The following TNFAIP8 variants were observed in gnomAD, a reference collection of about 807,000 sequenced individuals.
TNFAIP8 encodes the protein TNF alpha induced protein 8.
A neutral mutation model predicts 13.3 loss-of-function variants in TNFAIP8; 7 were observed. The ratio of observed to expected loss-of-function variants is 0.52; its 90% CI spans 0.30 to 0.99. The LOEUF (loss-of-function observed/expected upper bound fraction) is 0.99, where lower values mean the gene tolerates loss of function less well. Ranked by LOEUF, TNFAIP8 falls within the 50% of genes least tolerant of loss-of-function variation. The pLI, the probability that TNFAIP8 is intolerant of heterozygous loss-of-function variation, is 0.07. For missense variants in TNFAIP8, 258 were observed against 236.9 expected, an observed-to-expected ratio of 1.09 and a Z score of -0.58; for synonymous variants, 94 against 87.6, an observed-to-expected ratio of 1.07 and a Z score of -0.41.
chr5:119,291,915 G>C (rs1749000901), intron 1 of TNFAIP8, among the ~76,000 whole-genome samples: 1 of 152,326 alleles, frequency 6.6e-6, no homozygotes, highest in East Asian at 1.9e-4. Context: ...AAACCTTGGA[G>C]ACATCTGTAA....
At chr5:119,273,919 C>T (rs1351692079) in intron 1 of TNFAIP8, among the ~76,000 whole-genome samples, 1 of 152,202 alleles carries the variant, frequency 6.6e-6, no homozygotes, top group East Asian at 1.9e-4. Flanking sequence ...TGTCAATACC[C>T]TCTCTAAGCC....
At chr5:119,360,433 T>C (rs190104952) in intron 1 of TNFAIP8, among the ~76,000 whole-genome samples, 2 of 152,336 alleles carry the variant, frequency 1.3e-5, no homozygotes, top group East Asian at 1.9e-4. Context: ...TAGTGTAAGC[T>C]GAATTAAAAC....
chr5:119,336,036 A>C (rs1750541110), intron 1 of TNFAIP8, among the ~76,000 whole-genome samples: 2 of 152,168 alleles, frequency 1.3e-5, no homozygotes, highest in African/African-American at 4.8e-5. Context: ...GCGGCTGCAA[A>C]GGCCCTGAGG....
intron 1 of TNFAIP8, among the ~76,000 whole-genome samples, chr5:119,356,373 C>T (rs1449171863): frequency 1.3e-5 from 2 of 151,904 alleles, no homozygotes; most frequent in Admixed American, 1.3e-4. Flanking sequence ...ACTAAGTCTG[C>T]TTTTTAGCTT....
Position 119,397,835 on chromosome 5 carries a change from C to T in TNFAIP8, c.*4454C>T, listed in dbSNP as rs1753110310. 1 of 152,166 alleles carries T rather than the reference C, an allele frequency of 6.6e-6. No homozygotes were observed. The highest frequency in any genetic ancestry group is 2.4e-5 in the African/African-American group (1 of 41,432). 9.4% of individuals were successfully genotyped at this position (152,166 alleles called of 1,614,324 possible). A position where few individuals can be genotyped will look rare whatever the true frequency, so the allele number is the denominator to read the frequency against. ...ACGGTCACTTATGTATACCCAAAGC[C>T]AGAAAGATATTTTTATCTCAGGGAA... is the stretch of plus-strand genomic sequence containing the variant. On this transcript the variant is annotated 3_prime_UTR_variant, in exon 2 of 2. Transcript: ENST00000504771.
intron 1 of TNFAIP8, among the ~76,000 whole-genome samples, chr5:119,299,520 G>T (rs867377884): frequency 1.3e-5 from 2 of 152,318 alleles, no homozygotes; most frequent in Admixed American, 6.5e-5. Flanking sequence ...TGCCTCTACT[G>T]GGGGGTGCCT....
At position 119,369,060 on chromosome 5, in the gene TNFAIP8, T is replaced by C. The variant is rs996334910; in HGVS notation, c.31+12939T>C. Among the ~76,000 whole-genome samples, 748 of 150,854 alleles carry C rather than the reference T, an allele frequency of 5.0e-3. 3 individuals carry two copies. Among genetic ancestry groups the C allele is most frequent in the African/African-American group, 0.017 (683 of 41,066 alleles). Reference sequence around the variant, plus strand: ...ACTTTCTTTTCTTTTCTTTTCTTTTTTTTTTTTTTTTGAGAGGGAATCTTG... The same window carrying C: ...ACTTTCTTTTCTTTTCTTTTCTTTTCTTTTTTTTTTTGAGAGGGAATCTTG... On this transcript the variant is annotated intron_variant, in intron 1 of 1. Transcript: ENST00000504771.
At chr5:119,314,633 T>C (rs1333710253) in intron 1 of TNFAIP8, among the ~76,000 whole-genome samples, 1 of 152,236 alleles carries the variant, frequency 6.6e-6, no homozygotes, top group Non-Finnish European at 1.5e-5. Context: ...ATTTGTTTTT[T>C]TGTTTTTGAG....
chr5:119,346,885 G>A (rs1048290256), intron 1 of TNFAIP8, among the ~76,000 whole-genome samples: 2 of 152,150 alleles, frequency 1.3e-5, no homozygotes, highest in Non-Finnish European at 2.9e-5. Context: ...ACTCTTGACC[G>A]CATCACTGTA....
chr5:119,315,810 C>A (rs1225643127), intron 1 of TNFAIP8, among the ~76,000 whole-genome samples: 2 of 152,194 alleles, frequency 1.3e-5, no homozygotes, highest in African/African-American at 4.8e-5. Context: ...CCCACACACA[C>A]AGAAGTCTTG....
chr5:119,360,421 CAT>C (rs1336189949), intron 1 of TNFAIP8, among the ~76,000 whole-genome samples: 1 of 152,172 alleles, frequency 6.6e-6, no homozygotes, highest in African/African-American at 2.4e-5. Context: ...TTCTTTAAAA[CAT>C]AGTGTAAGCT....
At chr5:119,359,426 A>G (rs539576915) in intron 1 of TNFAIP8, among the ~76,000 whole-genome samples, 1 of 152,238 alleles carries the variant, frequency 6.6e-6, no homozygotes, top group East Asian at 1.9e-4. Flanking sequence ...CTTCTAGACC[A>G]CAAGCTCTGC....
At chr5:119,356,809 A>G (rs1057220162) in intron 1 of TNFAIP8, among the ~76,000 whole-genome samples, 2 of 151,936 alleles carry the variant, frequency 1.3e-5, no homozygotes, top group Non-Finnish European at 2.9e-5. Flanking sequence ...AAACACAATT[A>G]TACGCTGGTG....
At chr5:119,299,512 C>T (rs1036189079) in intron 1 of TNFAIP8, among the ~76,000 whole-genome samples, 5 of 152,176 alleles carry the variant, frequency 3.3e-5, no homozygotes, top group Admixed American at 3.3e-4. Context: ...TGTCAGTCTG[C>T]CTCTACTGGG....
intron 1 of TNFAIP8, among the ~76,000 whole-genome samples, chr5:119,327,155 T>C (rs1363606103): frequency 3.9e-5 from 6 of 152,146 alleles, no homozygotes; most frequent in African/African-American, 1.2e-4. Flanking sequence ...TTCCTGGAAA[T>C]GTCTGTTCCC....
intron 1 of TNFAIP8, among the ~76,000 whole-genome samples, chr5:119,296,701 G>A (rs925526678): frequency 9.9e-5 from 15 of 152,124 alleles, no homozygotes; most frequent in African/African-American, 3.6e-4. Context: ...AGAAGGAATG[G>A]TACCAGTTCC....
At chr5:119,276,210 C>A (rs879521151) in intron 1 of TNFAIP8, among the ~76,000 whole-genome samples, 1 of 151,834 alleles carries the variant, frequency 6.6e-6, no homozygotes, top group Non-Finnish European at 1.5e-5. Context: ...CTCTAACTCC[C>A]GGGTTCAAGC....
Position 119,393,323 on chromosome 5 carries a change from C to A in TNFAIP8, c.539C>A (p.Pro180His). The A allele has an allele frequency of 6.2e-7, 1 of 1,613,776 alleles. No homozygotes were observed. The highest frequency in any genetic ancestry group is 8.5e-7 in the Non-Finnish European group (1 of 1,179,840). ...ALYNPFGNFK[P>H]HLQKLCDGIN... ...TATAATCCTTTTGGGAATTTTAAAC[C>A]CCACTTACAAAAACTATGTGATGGT... The change falls in exon 2 of 2, where the codon CCC becomes CAC. Residue 180 changes from proline (P) to histidine (H), a missense_variant. Pro to His is a moderately conservative substitution (Grantham distance 77, BLOSUM62 -2). Transcript: ENST00000504771.
At chr5:119,326,561 C>T (rs377586966) in intron 1 of TNFAIP8, among the ~76,000 whole-genome samples, 1 of 152,168 alleles carries the variant, frequency 6.6e-6, no homozygotes, top group African/African-American at 2.4e-5. Flanking sequence ...GCGTGCTCCT[C>T]ATCAGAGGGT....
Sources: gnomAD v4.1 joint callset for allele counts (sites outside exome capture counted in the v4.1 genomes callset) on GRCh38, gnomAD v4.1.1 for gene constraint, MANE v1.5 for transcripts, NCBI Gene and HGNC (gene_info 2026-07-23, HGNC 2026-07-21) for gene names.